Variants in GLG1 observed in about 807,000 individuals in gnomAD.
The protein encoded by GLG1 is Golgi apparatus protein 1.
GLG1 carries 38 observed loss-of-function variants against 160.5 expected under a neutral mutation model. The observed-to-expected ratio is 0.24, with a 90% CI of 0.18 to 0.31. GLG1 has a LOEUF of 0.31. Ranked by LOEUF, GLG1 falls within the 10% of genes least tolerant of loss-of-function variation. The probability of loss-of-function intolerance (pLI) is 1.00; values close to 1 mark genes in which losing one functional copy is unlikely to be tolerated. For synonymous variants in GLG1, 644 were observed against 543.4 expected, an observed-to-expected ratio of 1.19 and a Z score of -2.57; for missense variants, 1,373 against 1,505.2, an observed-to-expected ratio of 0.91 and a Z score of 1.45.
intron 4 of GLG1, among the ~76,000 whole-genome samples, chr16:74,502,830 A>G (rs909644855): frequency 2.1e-5 from 3 of 145,934 alleles, no homozygotes; most frequent in African/African-American, 7.7e-5. Context: ...TCAGCCTCCC[A>G]AAGTGTTGGG....
chr16:74,520,497 G>A (rs1178618065), intron 2 of GLG1, among the ~76,000 whole-genome samples: 1 of 152,158 alleles, frequency 6.6e-6, no homozygotes, highest in Non-Finnish European at 1.5e-5. Context: ...TTAGCTGGGC[G>A]TGGTGGCGCA....
chr16:74,550,506 G>C (rs999761303), intron 1 of GLG1, among the ~76,000 whole-genome samples: 3 of 152,106 alleles, frequency 2.0e-5, no homozygotes, highest in Admixed American at 2.0e-4. Context: ...CATTGGCATG[G>C]GCAGGCGAGA....
chr16:74,560,158 G>A (rs1358103372), intron 1 of GLG1, among the ~76,000 whole-genome samples: 3 of 152,074 alleles, frequency 2.0e-5, no homozygotes, highest in African/African-American at 7.2e-5. Flanking sequence ...ATTAGCACTT[G>A]GACAGGCAGA....
At chr16:74,524,867 T>C (rs1466415630) in intron 2 of GLG1, among the ~76,000 whole-genome samples, 3 of 152,202 alleles carry the variant, frequency 2.0e-5, no homozygotes, top group Non-Finnish European at 4.4e-5. Context: ...TCACCTACCA[T>C]TCCCCACTTC....
intron 1 of GLG1, among the ~76,000 whole-genome samples, chr16:74,590,700 G>A (rs571306872): frequency 6.7e-6 from 1 of 149,966 alleles, no homozygotes; most frequent in African/African-American, 2.4e-5. Flanking sequence ...AGGAGGCTGA[G>A]GCAGGAGAAT....
chr16:74,480,947 A>C (rs1401382972), intron 10 of GLG1, among the ~76,000 whole-genome samples: 2 of 152,200 alleles, frequency 1.3e-5, no homozygotes, highest in Non-Finnish European at 2.9e-5. Context: ...CCTTCTACAG[A>C]AGATTTAAAG....
chr16:74,519,085 CA>C, intron 2 of GLG1, among the ~76,000 whole-genome samples: 1 of 152,222 alleles, frequency 6.6e-6, no homozygotes, highest in Middle Eastern at 3.4e-3. Flanking sequence ...GGAACCAACC[CA>C]AATGTCCATC....
intron 11 of GLG1, among the ~76,000 whole-genome samples, chr16:74,478,432 A>C (rs2015470832): frequency 6.6e-6 from 1 of 152,204 alleles, no homozygotes; most frequent in East Asian, 1.9e-4. Context: ...TGTTATTGAC[A>C]GATACAGTTA....
chr16:74,494,142 C>T (rs1193008120), intron 6 of GLG1, among the ~76,000 whole-genome samples: 1 of 150,740 alleles, frequency 6.6e-6, no homozygotes, highest in Non-Finnish European at 1.5e-5. Flanking sequence ...CCACTGCACC[C>T]CAGCCTGGGT....
At chr16:74,566,699 T>C (rs1288643085) in intron 1 of GLG1, among the ~76,000 whole-genome samples, 1 of 152,196 alleles carries the variant, frequency 6.6e-6, no homozygotes, top group Non-Finnish European at 1.5e-5. Context: ...ATTATTCTTA[T>C]ACTTTCAAAA....
intron 1 of GLG1, among the ~76,000 whole-genome samples, chr16:74,567,277 G>A (rs1384265877): frequency 1.3e-5 from 2 of 151,926 alleles, no homozygotes. Flanking sequence ...GTTGGTAGGA[G>A]GAACAGAGTT....
At chr16:74,552,260 C>A in intron 1 of GLG1, 2 of 564,306 alleles carry the variant, frequency 3.5e-6, no homozygotes, top group Non-Finnish European at 6.9e-6. Context: ...GATGCTGATG[C>A]CTAAGAAGAA....
chr16:74,572,654 C>T (rs1289424386), intron 1 of GLG1, among the ~76,000 whole-genome samples: 1 of 152,190 alleles, frequency 6.6e-6, no homozygotes, highest in African/African-American at 2.4e-5. Flanking sequence ...TTCTCCCATA[C>T]CTCGCCCTAT....
chr16:74,602,823 T>C (rs1019108561), intron 1 of GLG1, among the ~76,000 whole-genome samples: 1 of 148,902 alleles, frequency 6.7e-6, no homozygotes, highest in Non-Finnish European at 1.5e-5. Context: ...AGCTGGGTGA[T>C]GTATACCCAG....
intron 12 of GLG1, among the ~76,000 whole-genome samples, chr16:74,477,116 G>A (rs111458004): frequency 2.6e-5 from 4 of 152,132 alleles, no homozygotes; most frequent in African/African-American, 9.7e-5. Context: ...CCATACCATT[G>A]GCTCTAGAAG....
At chr16:74,539,807 G>A (rs2017783572) in intron 1 of GLG1, among the ~76,000 whole-genome samples, 1 of 146,804 alleles carries the variant, frequency 6.8e-6, no homozygotes, top group East Asian at 2.1e-4. Flanking sequence ...ACTTTACTTT[G>A]AGAAGTCAAA....
At chr16:74,459,974 G>C (rs900585585) in intron 22 of GLG1, among the ~76,000 whole-genome samples, 185 bp from the exon 23 acceptor site, 7 of 151,494 alleles carry the variant, frequency 4.6e-5, no homozygotes, top group African/African-American at 7.3e-5. Flanking sequence ...TCCTGCCTCA[G>C]CCTCTTGAGT....
chr16:74,510,761 A>C (rs1053306540), intron 2 of GLG1, among the ~76,000 whole-genome samples: 2 of 152,190 alleles, frequency 1.3e-5, no homozygotes, highest in Non-Finnish European at 2.9e-5. Flanking sequence ...ATAAAACATA[A>C]GGAGAAGGAC....
intron 1 of GLG1, among the ~76,000 whole-genome samples, chr16:74,584,598 G>C (rs1221255704): frequency 6.6e-6 from 1 of 152,056 alleles, no homozygotes; most frequent in African/African-American, 2.4e-5. Context: ...GGGGTAGAGG[G>C]TGGGAAGCGG....
Sources: gnomAD v4.1 joint callset for allele counts (sites outside exome capture counted in the v4.1 genomes callset) on GRCh38, gnomAD v4.1.1 for gene constraint, MANE v1.5 for transcripts, NCBI Gene and HGNC (gene_info 2026-07-23, HGNC 2026-07-21) for gene names.